GRIK4: variants seen among roughly 807,000 people sequenced by gnomAD.
GRIK4 encodes glutamate ionotropic receptor kainate type subunit 4.
A neutral mutation model predicts 104.9 loss-of-function variants in GRIK4; 40 were observed. The ratio of observed to expected loss-of-function variants is 0.38; its 90% CI spans 0.30 to 0.50. The LOEUF is 0.50. Among genes scored for constraint, GRIK4 ranks in the 20% least tolerant of loss-of-function variants. The pLI, the probability that GRIK4 is intolerant of heterozygous loss-of-function variation, is 0.93. For missense variants in GRIK4, 1,047 were observed against 1,308.1 expected, an observed-to-expected ratio of 0.80 and a Z score of 3.08; for synonymous variants, 485 against 524.9, an observed-to-expected ratio of 0.92 and a Z score of 1.04.
intron 11 of GRIK4, among the ~76,000 whole-genome samples, chr11:120,892,991 C>G (rs1308242817): frequency 6.6e-6 from 1 of 152,168 alleles, no homozygotes; most frequent in African/African-American, 2.4e-5. Flanking sequence ...AGAAAGCAGA[C>G]AAATTAACGT....
chr11:120,900,065 C>G (rs1050553860), intron 12 of GRIK4, among the ~76,000 whole-genome samples: 2 of 152,148 alleles, frequency 1.3e-5, no homozygotes, highest in Non-Finnish European at 2.9e-5. Context: ...AGACACACAC[C>G]TAGGACTGTG....
chr11:120,590,890 G>A (rs1200398715), intron 1 of GRIK4, among the ~76,000 whole-genome samples: 2 of 152,076 alleles, frequency 1.3e-5, no homozygotes, highest in Non-Finnish European at 1.5e-5. Context: ...TGAAGCTGTT[G>A]AGGGTTAAGG....
At chr11:120,963,988 T>TTTG (rs1944339243) in intron 18 of GRIK4, among the ~76,000 whole-genome samples, 1 of 119,962 alleles carries the variant, frequency 8.3e-6, no homozygotes, top group African/African-American at 3.4e-5. Context: ...TATTTATTTA[T>TTTG]TTATTTATTT....
chr11:120,618,764 G>A (rs1408842318), intron 1 of GRIK4, among the ~76,000 whole-genome samples: 1 of 152,260 alleles, frequency 6.6e-6, no homozygotes, highest in Non-Finnish European at 1.5e-5. Flanking sequence ...TTTCCATGTG[G>A]TGCTAAGCTG....
intron 3 of GRIK4, among the ~76,000 whole-genome samples, chr11:120,684,292 C>G (rs942755319): frequency 3.9e-5 from 6 of 152,116 alleles, no homozygotes; most frequent in African/African-American, 7.2e-5. Flanking sequence ...TACTGCACTC[C>G]CATCTGGGTG....
intron 1 of GRIK4, among the ~76,000 whole-genome samples, chr11:120,533,356 A>G (rs1244145283): frequency 6.6e-6 from 1 of 152,222 alleles, no homozygotes; most frequent in African/African-American, 2.4e-5. Context: ...CTTTCCTTGT[A>G]TTATCTAGCT....
chr11:120,678,911 G>A (rs1017703922), intron 3 of GRIK4, among the ~76,000 whole-genome samples: 2 of 151,488 alleles, frequency 1.3e-5, no homozygotes, highest in Non-Finnish European at 2.9e-5. Flanking sequence ...GGGATTACAG[G>A]TATGAGCCAC....
intron 1 of GRIK4, among the ~76,000 whole-genome samples, chr11:120,612,799 GCTCCC>G (rs1949053934): frequency 6.6e-6 from 1 of 152,172 alleles, no homozygotes; most frequent in Non-Finnish European, 1.5e-5. Context: ...ACAGGAGAGT[GCTCCC>G]TGCTGACTCT....
intron 3 of GRIK4, among the ~76,000 whole-genome samples, chr11:120,735,050 T>C (rs2846120): frequency 0.75 from 113,686 of 152,048 alleles, 42,877 homozygotes; most frequent in Middle Eastern, 0.85. Flanking sequence ...GTCACATATC[T>C]GTTTCTCCAG....
At chr11:120,716,409 A>G (rs1432845998) in intron 3 of GRIK4, among the ~76,000 whole-genome samples, 1 of 152,032 alleles carries the variant, frequency 6.6e-6, no homozygotes, top group East Asian at 1.9e-4. Flanking sequence ...GTGCCCAGCT[A>G]ATTTTTGTAT....
In GRIK4 at chr11:120,902,008, A is replaced by G. The variant is rs1286066115; in HGVS notation, c.1273-3282A>G. On this transcript the variant is annotated intron_variant, in intron 12 of 20. Transcript: ENST00000527524. The surrounding 1 kb of genome is among the most constrained non-coding windows in gnomAD (Gnocchi z 4.5). ...GTGTGTGCCTACAGTGGCTGATCCAATTCGATAGCTCTTACCAGGAATGAC... is the reference window on the plus strand; with the variant it reads ...GTGTGTGCCTACAGTGGCTGATCCAGTTCGATAGCTCTTACCAGGAATGAC... 1.3e-5 allele frequency among the ~76,000 whole-genome samples: 2 copies of G among 152,168 alleles called. No individual in the cohort carries two copies. The highest frequency in any genetic ancestry group is 6.5e-5 in the Admixed American group (1 of 15,282).
At chr11:120,841,197 A>G (rs1165075170) in intron 8 of GRIK4, among the ~76,000 whole-genome samples, 2 of 152,132 alleles carry the variant, frequency 1.3e-5, no homozygotes, top group Non-Finnish European at 2.9e-5. Context: ...GCAACCACCA[A>G]TACCATCCAC....
chr11:120,638,179 C>A (rs1405447838), intron 1 of GRIK4, among the ~76,000 whole-genome samples: 2 of 152,126 alleles, frequency 1.3e-5, no homozygotes, highest in Non-Finnish European at 2.9e-5. Context: ...TATACCTGGT[C>A]ATGTTTTATT....
intron 1 of GRIK4, among the ~76,000 whole-genome samples, chr11:120,601,647 G>GTTTTTT (rs779169082): frequency 8.0e-6 from 1 of 125,190 alleles, no homozygotes; most frequent in Non-Finnish European, 1.6e-5. Flanking sequence ...TGTGTGTGTG[G>GTTTTTT]TTTTTTTTTT....
intron 12 of GRIK4, among the ~76,000 whole-genome samples, chr11:120,904,952 T>C (rs1008937489): frequency 1.4e-4 from 22 of 152,156 alleles, no homozygotes; most frequent in African/African-American, 5.1e-4. Context: ...GCCCAGCCAT[T>C]GGTCTGCCTG....
intron 1 of GRIK4, among the ~76,000 whole-genome samples, chr11:120,561,225 G>A (rs1948233992): frequency 6.6e-6 from 1 of 152,022 alleles, no homozygotes; most frequent in Non-Finnish European, 1.5e-5. Flanking sequence ...CCTGGGTTTA[G>A]CGGCAGCCAG....
Position 120,802,835 on chromosome 11 carries a change from C to T in GRIK4, c.225C>T (p.Ser75=), listed in dbSNP as rs1272995407. The T allele has an allele frequency of 1.2e-6, 2 of 1,614,096 alleles. No homozygotes were observed. Among genetic ancestry groups the T allele is most frequent in the Non-Finnish European group, 8.5e-7 (1 of 1,179,964 alleles). ...EVDIFELLRD[S]EYETAETMCQ... is the part of the protein sequence containing the mutation. ...ACATCTTTGAGCTTCTCAGAGACAG[C>T]GAGTACGAGACTGCAGAAACCAGTA... Residue 75 remains serine, a synonymous_variant, in exon 4 of 21, where the codon AGC becomes AGT. Transcript: ENST00000527524.
intron 13 of GRIK4, among the ~76,000 whole-genome samples, chr11:120,924,826 CT>C (rs1943307379): frequency 6.6e-6 from 1 of 152,222 alleles, no homozygotes; most frequent in African/African-American, 2.4e-5. Flanking sequence ...CCAAATACAC[CT>C]TTATCACCCA....
intron 7 of GRIK4, among the ~76,000 whole-genome samples, chr11:120,833,404 G>T (rs1953490460): frequency 6.6e-6 from 1 of 152,102 alleles, no homozygotes. Flanking sequence ...GGGTAGAAAA[G>T]CTCCACCAAG....
Sources: allele counts gnomAD v4.1 joint callset (sites outside exome capture counted in the v4.1 genomes callset), GRCh38; gene constraint gnomAD v4.1.1; non-coding constraint Gnocchi (gnomAD v3.1); transcripts MANE v1.5; gene names NCBI Gene and HGNC (gene_info 2026-07-23, HGNC 2026-07-21).